The following WDR35 variants were observed in gnomAD, a reference collection of about 807,000 sequenced individuals.
WDR35 encodes the protein WD repeat-containing protein 35.
A neutral mutation model predicts 158.3 loss-of-function variants in WDR35; 118 were observed. The observed-to-expected ratio is 0.75, with a 90% CI of 0.64 to 0.87. The LOEUF (loss-of-function observed/expected upper bound fraction) is 0.87, where lower values mean the gene tolerates loss of function less well. Ranked by LOEUF, WDR35 falls within the 40% of genes least tolerant of loss-of-function variation. The pLI is 0.00. For missense variants in WDR35, 1,263 were observed against 1,405.8 expected (o/e 0.90, Z 1.62); for synonymous variants, 448 against 476.1 (o/e 0.94, Z 0.77).
chr2:19,967,440 G>A (rs991874972), intron 9 of WDR35, among the ~76,000 whole-genome samples: 4 of 152,118 alleles, frequency 2.6e-5, no homozygotes, highest in South Asian at 2.1e-4. Flanking sequence ...TAGAATGGTC[G>A]TGTACAACTA....
intron 11 of WDR35, among the ~76,000 whole-genome samples, chr2:19,959,926 A>G (rs1217020719): frequency 1.3e-5 from 2 of 152,080 alleles, no homozygotes; most frequent in Non-Finnish European, 2.9e-5. Flanking sequence ...ATGATTTTTA[A>G]TAATCTACTT....
chr2:19,979,967 T>C (rs1221367754), intron 4 of WDR35, among the ~76,000 whole-genome samples: 1 of 152,102 alleles, frequency 6.6e-6, no homozygotes, highest in Non-Finnish European at 1.5e-5. Context: ...CAGGAGAACA[T>C]GTATTATGAG....
chr2:19,942,624 G>GA (rs1160040317), intron 16 of WDR35, among the ~76,000 whole-genome samples: 11 of 144,134 alleles, frequency 7.6e-5, no homozygotes, highest in South Asian at 4.3e-4. Context: ...GTTGATCCAT[G>GA]AAAAAAAAAA....
intron 14 of WDR35, among the ~76,000 whole-genome samples, chr2:19,947,874 G>A (rs1246074671): frequency 4.6e-5 from 7 of 152,086 alleles, no homozygotes; most frequent in African/African-American, 1.7e-4. Flanking sequence ...AATTATTAGC[G>A]AGGAAAGCTT....
intron 23 of WDR35, 30 bp from the exon 24 acceptor site, chr2:19,931,439 T>C: frequency 6.2e-7 from 1 of 1,610,414 alleles, no homozygotes; most frequent in African/African-American, 1.3e-5. Flanking sequence ...TGAGGGAAGT[T>C]ACTTCTTATC....
Position 19,937,855 on chromosome 2 carries a change from A to AC in WDR35, c.2154dup (p.Phe719ValfsTer11), listed in dbSNP as rs1263515064. ...AGTAGTTTGCCCAAGCGCTTCACAAACTTAATGCCTTGGTAATCTTTGCAG... is the reference window on the plus strand; with the variant it reads ...AGTAGTTTGCCCAAGCGCTTCACAAACCTTAATGCCTTGGTAATCTTTGCAG... On this transcript the variant is annotated frameshift_variant, in exon 19 of 27. Coordinates refer to ENST00000281405, the MANE Select transcript of WDR35 (RefSeq NM_020779.4). LOFTEE classifies it high-confidence loss of function. 12 of 1,614,100 alleles carry AC rather than the reference A, an allele frequency of 7.4e-6. No homozygotes were observed. Among genetic ancestry groups the AC allele is most frequent in the Non-Finnish European group, 1.0e-5 (12 of 1,179,992 alleles).
At position 19,989,225 on chromosome 2, in the gene WDR35, A is replaced by T. The variant is rs767982695; in HGVS notation, c.82T>A (p.Phe28Ile). Residue 28 changes from phenylalanine to isoleucine, a missense_variant, in exon 2 of 27, where the codon TTC becomes ATC. Transcript: ENST00000281405. ...CCATCTTCACCACCGCATGCTATGA[A>T]CCCTTGTTCCTTGTTCCAGGATACA... ...QCVSWNKEQG[F>I]IACGGEDGLL... 2 of 1,614,052 alleles carry T rather than the reference A, an allele frequency of 1.2e-6. No individual in the cohort carries two copies. Among genetic ancestry groups the T allele is most frequent in the African/African-American group, 2.7e-5 (2 of 74,908 alleles).
rs374598136 is a variant in WDR35, at chr2:19,961,698, T to C, written c.1195-1084A>G. Reference sequence around the variant, plus strand: ...AGAGCAAAGGTCATGGCGACAGTTTTGGGGGATGCTCAAGGCATTTTGCTT... The same window carrying C: ...AGAGCAAAGGTCATGGCGACAGTTTCGGGGGATGCTCAAGGCATTTTGCTT... On this transcript the variant is annotated intron_variant, in intron 10 of 26. Coordinates refer to ENST00000281405, the MANE Select transcript of WDR35 (RefSeq NM_020779.4). Among the ~76,000 whole-genome samples the C allele has an allele frequency of 3.9e-4, 60 of 152,306 alleles. No homozygotes were observed. The East Asian group carries it at 7.9e-3, about 20-fold the overall frequency.
chr2:19,927,027 G>A (rs779778253), intron 25 of WDR35, among the ~76,000 whole-genome samples: 20 of 152,150 alleles, frequency 1.3e-4, no homozygotes, highest in Non-Finnish European at 1.9e-4. Context: ...CACAGATGGC[G>A]GAAGAAAACC....
chr2:19,989,864 G>T, intron 1 of WDR35, 128 bp downstream of exon 1: 1 of 1,471,714 alleles, frequency 6.8e-7, no homozygotes, highest in Non-Finnish European at 9.3e-7. Context: ...CGGCGGGAAG[G>T]ATGGCTGCGG....
intron 10 of WDR35, among the ~76,000 whole-genome samples, chr2:19,964,135 T>C (rs753007877): frequency 6.6e-6 from 1 of 152,204 alleles, no homozygotes; most frequent in Non-Finnish European, 1.5e-5. Flanking sequence ...ATGCCACTTA[T>C]GATCCTTGAC....
intron 11 of WDR35, among the ~76,000 whole-genome samples, chr2:19,957,516 T>C (rs1572347121): frequency 1.3e-5 from 2 of 150,564 alleles, no homozygotes; most frequent in Admixed American, 6.6e-5. Context: ...GTTCAATATC[T>C]GAAAAGAAAA....
At chr2:19,951,370 A>G in intron 13 of WDR35, 45 bp downstream of exon 13, 1 of 1,435,412 alleles carries the variant, frequency 7.0e-7, no homozygotes, top group Non-Finnish European at 9.7e-7. Flanking sequence ...TAATATTTCA[A>G]ATCTACAGAT....
At chr2:19,958,947 A>C (rs1671539980) in intron 11 of WDR35, among the ~76,000 whole-genome samples, 1 of 152,196 alleles carries the variant, frequency 6.6e-6, no homozygotes, top group South Asian at 2.1e-4. Flanking sequence ...AGTAGGTGGC[A>C]AAACAAAAAT....
At chr2:19,938,495 GA>G (rs1217558801) in intron 17 of WDR35, 94 bp from the exon 18 acceptor site, 15 of 1,386,070 alleles carry the variant, frequency 1.1e-5, no homozygotes, top group Middle Eastern at 2.5e-4. Context: ...AACAAAACAA[GA>G]AAAAAAACGG....
chr2:19,911,102 G>A lies in WDR35; in HGVS notation c.*2456C>T, dbSNP rs530383200. On this transcript the variant is annotated 3_prime_UTR_variant, in exon 27 of 27. Coordinates refer to ENST00000281405, the MANE Select transcript of WDR35 (RefSeq NM_020779.4). ...ATCTACCTGGAATAATTCGTTGGTG[G>A]GAAAATTCTAGGGCTCAGGCAGCAC... 7 of 152,224 alleles carry A rather than the reference G, an allele frequency of 4.6e-5. No homozygotes were observed. The highest frequency in any genetic ancestry group is 3.9e-4 in the Admixed American group (6 of 15,270). 9.4% of individuals were successfully genotyped at this position (152,224 alleles called of 1,614,324 possible).
At chr2:19,946,638 T>A in intron 14 of WDR35, 68 bp from the exon 15 acceptor site, 1 of 1,396,026 alleles carries the variant, frequency 7.2e-7, no homozygotes, top group Non-Finnish European at 1.0e-6. Flanking sequence ...CAACTATTTC[T>A]CTATATGTCT....
intron 25 of WDR35, among the ~76,000 whole-genome samples, chr2:19,928,103 C>T (rs1487836900): frequency 6.6e-6 from 1 of 152,168 alleles, no homozygotes; most frequent in Non-Finnish European, 1.5e-5. Flanking sequence ...GCCATAACAC[C>T]CACTCTGGAA....
At position 19,980,350 on chromosome 2, in the gene WDR35, T is replaced by C. The variant is rs917268939; in HGVS notation, c.307+341A>G. Among the ~76,000 whole-genome samples the C allele has an allele frequency of 3.9e-5, 6 of 152,118 alleles. No individual in the cohort carries two copies. In the East Asian group the frequency reaches 1.2e-3, roughly 29 times the overall value. Reference sequence around the variant, plus strand: ...AAATACACACTCACACACACATGAATGTAATTATAAACTGGAACTACCTAG... The same window carrying C: ...AAATACACACTCACACACACATGAACGTAATTATAAACTGGAACTACCTAG... On this transcript the variant is annotated intron_variant, in intron 4 of 26. Transcript: ENST00000281405.
Sources: allele counts gnomAD v4.1 joint callset (sites outside exome capture counted in the v4.1 genomes callset), GRCh38; gene constraint gnomAD v4.1.1; transcripts MANE v1.5; gene names NCBI Gene and HGNC (gene_info 2026-07-23, HGNC 2026-07-21).